The following GINM1 variants were observed in gnomAD, a reference collection of about 807,000 sequenced individuals.
GINM1 encodes glycosylated integral membrane protein 1.
GINM1 carries 29 observed loss-of-function variants against 37.8 expected under a neutral mutation model. The ratio of observed to expected loss-of-function variants is 0.77; its 90% CI spans 0.57 to 1.05. GINM1 has a LOEUF of 1.05. GINM1 is among the 50% of genes least tolerant of loss of function. The pLI, the probability that GINM1 is intolerant of heterozygous loss-of-function variation, is 0.00. For missense variants in GINM1, 377 were observed against 397.9 expected, an observed-to-expected ratio of 0.95 and a Z score of 0.45; for synonymous variants, 143 against 146.2, an observed-to-expected ratio of 0.98 and a Z score of 0.16.
chr6:149,577,548 G>A (rs1777932956), intron 3 of GINM1: 3 of 152,480 alleles, frequency 2.0e-5, no homozygotes, highest in Non-Finnish European at 1.5e-5. Context: ...ACAGTGAGAC[G>A]AGCTTGGCAT....
intron 7 of GINM1, among the ~76,000 whole-genome samples, chr6:149,585,590 T>TTTTA (rs1264157601): frequency 6.6e-6 from 1 of 152,044 alleles, no homozygotes; most frequent in Non-Finnish European, 1.5e-5. Flanking sequence ...TATTTTTATT[T>TTTTA]TTTATTTATT....
intron 3 of GINM1, among the ~76,000 whole-genome samples, chr6:149,576,553 C>G (rs1777917448): frequency 6.6e-6 from 1 of 151,982 alleles, no homozygotes; most frequent in Non-Finnish European, 1.5e-5. Context: ...GAGTTCAAGA[C>G]CAGCCTAGGC....
At chr6:149,568,058 G>A (rs796446792) in intron 1 of GINM1, among the ~76,000 whole-genome samples, 14 of 152,290 alleles carry the variant, frequency 9.2e-5, no homozygotes, top group African/African-American at 3.1e-4. Flanking sequence ...TACTATTTCA[G>A]TTCTCCCTTC....
chr6:149,578,589 C>G (rs1312746767), intron 3 of GINM1, among the ~76,000 whole-genome samples: 1 of 150,364 alleles, frequency 6.7e-6, no homozygotes, highest in Non-Finnish European at 1.5e-5. Context: ...CATACAAAGT[C>G]TAAAGATCAA....
chr6:149,577,861 T>C (rs1056836412), intron 3 of GINM1, among the ~76,000 whole-genome samples: 4 of 152,196 alleles, frequency 2.6e-5, no homozygotes, highest in African/African-American at 9.7e-5. Flanking sequence ...AGAGTAGCCG[T>C]TGGCTCTGTA....
At chr6:149,569,807 C>G (rs1020895136) in intron 1 of GINM1, among the ~76,000 whole-genome samples, 2 of 151,908 alleles carry the variant, frequency 1.3e-5, no homozygotes, top group Non-Finnish European at 2.9e-5. Context: ...CACTTATGTC[C>G]CCAGTGGGCA....
chr6:149,581,985 G>A, intron 6 of GINM1: 1 of 470,274 alleles, frequency 2.1e-6, no homozygotes, highest in South Asian at 1.6e-5. Context: ...AACATGTTTT[G>A]TACACAGTGA....
chr6:149,570,199 A>T (rs1242998955), intron 1 of GINM1, among the ~76,000 whole-genome samples: 18 of 93,272 alleles, frequency 1.9e-4, no homozygotes, highest in East Asian at 8.5e-4. Flanking sequence ...TATATATATA[A>T]AGTTCAGTAA....
Position 149,582,572 on chromosome 6 carries a change from T to C in GINM1, c.850T>C (p.Leu284=), listed in dbSNP as rs1169258027. ...ITGAAVVITI[L]KVFFPVSEYK... ...AGGAGCAGCTGTGGTAATAACCATCTTAAAGGTGTTTTTCCCAGTTTCTGA... is the reference window on the plus strand; with the variant it reads ...AGGAGCAGCTGTGGTAATAACCATCCTAAAGGTGTTTTTCCCAGTTTCTGA... Residue 284 remains leucine (L), a synonymous_variant, in exon 7 of 8, where the codon TTA becomes CTA. Transcript: ENST00000367419. 2 of 1,589,648 alleles carry C rather than the reference T, an allele frequency of 1.3e-6. No homozygotes were observed. Among genetic ancestry groups the C allele is most frequent in the Non-Finnish European group, 1.7e-6 (2 of 1,173,794 alleles).
chr6:149,590,571 C>T (rs1258386840), intron 7 of GINM1, among the ~76,000 whole-genome samples, 156 bp from the exon 8 acceptor site: 1 of 152,170 alleles, frequency 6.6e-6, no homozygotes, highest in Non-Finnish European at 1.5e-5. Flanking sequence ...ACTTTGGGCT[C>T]AGTTTGTACA....
In GINM1 at chr6:149,579,878, C is replaced by A. The variant is rs1159838934; in HGVS notation, c.474C>A (p.Asn158Lys). 6.2e-7 allele frequency: 1 copy of A among 1,604,398 alleles called. No homozygotes were observed. The highest frequency in any genetic ancestry group is 1.7e-5 in the Admixed American group (1 of 59,184). ...DVTEIDILVK[N>K]RGVLRHSNYT... ...CTGAAATTGATATTTTAGTTAAGAA[C>A]CGGGGAGTACTCAGACATTCAAACT... The change falls in exon 5 of 8, where the codon AAC becomes AAA. Residue 158 changes from asparagine (N) to lysine (K), a missense_variant. Transcript: ENST00000367419.
rs372948833 is a variant in GINM1, at chr6:149,590,710, A to G, written c.882-17A>G. 9.6e-6 allele frequency: 12 copies of G among 1,256,158 alleles called. No homozygotes were observed. The highest frequency in any genetic ancestry group is 3.0e-5 in the African/African-American group (2 of 67,292). 77.8% of individuals were successfully genotyped at this position (1,256,158 alleles called of 1,614,324 possible). On this transcript the variant is annotated splice_polypyrimidine_tract_variant and intron_variant, in intron 7 of 7. Transcript: ENST00000367419. ...AAACATTTAATTTTGATAGTAATTAATCACTTTCTATTTCAGAGGAATTCT... is the reference window on the plus strand; with the variant it reads ...AAACATTTAATTTTGATAGTAATTAGTCACTTTCTATTTCAGAGGAATTCT...
Position 149,590,992 on chromosome 6 carries a change from G to C in GINM1, c.*154G>C, listed in dbSNP as rs1411144147. 1 of 564,020 alleles carries C rather than the reference G, an allele frequency of 1.8e-6. No homozygotes were observed. Among genetic ancestry groups the C allele is most frequent in the African/African-American group, 1.9e-5 (1 of 52,716 alleles). 34.9% of individuals were successfully genotyped at this position (564,020 alleles called of 1,614,324 possible). A position where few individuals can be genotyped will look rare whatever the true frequency, so the allele number is the denominator to read the frequency against. Reference sequence around the variant, plus strand: ...TGAAAATTGACCTTTACAGTGCCAAGTTAAAGTTTACCTTATTCTCGGCCG... The same window carrying C: ...TGAAAATTGACCTTTACAGTGCCAACTTAAAGTTTACCTTATTCTCGGCCG... On this transcript the variant is annotated 3_prime_UTR_variant, in exon 8 of 8. Transcript: ENST00000367419.
At chr6:149,588,336 A>T (rs1438125832) in intron 7 of GINM1, among the ~76,000 whole-genome samples, 1 of 152,162 alleles carries the variant, frequency 6.6e-6, no homozygotes, top group Non-Finnish European at 1.5e-5. Flanking sequence ...TTCTCTCATG[A>T]CTTGCTTACG....
chr6:149,578,525 C>CAAAAAAAA (rs145601764), intron 3 of GINM1, among the ~76,000 whole-genome samples: 2 of 71,414 alleles, frequency 2.8e-5, no homozygotes, highest in Non-Finnish European at 5.8e-5. Context: ...GACTCCATCT[C>CAAAAAAAA]AAAAAAAAAA....
intron 7 of GINM1, among the ~76,000 whole-genome samples, chr6:149,587,976 CTT>C (rs1778099178): frequency 6.6e-6 from 1 of 152,168 alleles, no homozygotes; most frequent in Non-Finnish European, 1.5e-5. Flanking sequence ...GCCAGAGGAA[CTT>C]ACAAGTCATA....
chr6:149,590,147 C>CT, intron 7 of GINM1, among the ~76,000 whole-genome samples: 1 of 152,180 alleles, frequency 6.6e-6, no homozygotes, highest in East Asian at 1.9e-4. Context: ...CTTAAGACAA[C>CT]TTTGTCTTCT....
intron 7 of GINM1, among the ~76,000 whole-genome samples, chr6:149,584,057 C>T (rs1778036725): frequency 6.6e-6 from 1 of 152,020 alleles, no homozygotes. Flanking sequence ...CTCACTGCAA[C>T]CTCCGCCTCC....
At chr6:149,577,051 G>A (rs1777924584) in intron 3 of GINM1, among the ~76,000 whole-genome samples, 1 of 152,172 alleles carries the variant, frequency 6.6e-6, no homozygotes, top group Admixed American at 6.5e-5. Flanking sequence ...GCAGTGGGGT[G>A]CCGTAACCCC....
Sources: gnomAD v4.1 joint callset for allele counts (sites outside exome capture counted in the v4.1 genomes callset) on GRCh38, gnomAD v4.1.1 for gene constraint, MANE v1.5 for transcripts, NCBI Gene and HGNC (gene_info 2026-07-23, HGNC 2026-07-21) for gene names.